The following FEZ1 variants were observed in gnomAD, a reference collection of about 807,000 sequenced individuals.
FEZ1 encodes the protein fasciculation and elongation protein zeta-1.
A neutral mutation model predicts 49.3 loss-of-function variants in FEZ1; 20 were observed. The observed-to-expected ratio is 0.41, with a 90% confidence interval of 0.29 to 0.59. The LOEUF (loss-of-function observed/expected upper bound fraction) is 0.59. Ranked by LOEUF, FEZ1 falls within the 20% of genes least tolerant of loss-of-function variation. The pLI, the probability that FEZ1 is intolerant of heterozygous loss-of-function variation, is 0.36. For missense variants in FEZ1, 413 were observed against 476.0 expected (o/e 0.87, Z 1.23); for synonymous variants, 170 against 180.9 (o/e 0.94, Z 0.48).
intron 3 of FEZ1, among the ~76,000 whole-genome samples, chr11:125,468,178 C>A (rs566643065): frequency 6.7e-6 from 1 of 149,974 alleles, no homozygotes; most frequent in African/African-American, 2.4e-5. Flanking sequence ...CACATAATAA[C>A]TTTTTTTTTT....
chr11:125,485,394 C>G (rs987255436), intron 2 of FEZ1, among the ~76,000 whole-genome samples: 1 of 152,084 alleles, frequency 6.6e-6, no homozygotes, highest in African/African-American at 2.4e-5. Context: ...CAAAGAACTC[C>G]AGGGCCTGGA....
Position 125,443,834 on chromosome 11 carries a change from C to G in FEZ1, c.*2261G>C, listed in dbSNP as rs1327761166. ...CTAGCCAGAGTGTATCCCCAACACT[C>G]GAGATTTATTTTTAACTCCCAGCAG... On this transcript the variant is annotated 3_prime_UTR_variant, in exon 10 of 10. Transcript: ENST00000278919. Among the ~76,000 whole-genome samples the G allele has an allele frequency of 6.6e-6, 1 of 152,158 alleles. No individual in the cohort carries two copies. The highest frequency in any genetic ancestry group is 2.1e-4 in the South Asian group (1 of 4,828).
At chr11:125,454,267 C>A in intron 6 of FEZ1, 57 bp from the exon 7 acceptor site, 1 of 1,356,630 alleles carries the variant, frequency 7.4e-7, no homozygotes, top group Non-Finnish European at 1.0e-6. Context: ...TGTCACCACA[C>A]CCAGGGACCT....
rs1957459797 is a variant in FEZ1, at chr11:125,495,780, A to G, written c.-46+341T>C. The G allele has an allele frequency of 2.8e-6, 1 of 351,640 alleles. No individual in the cohort carries two copies. Among genetic ancestry groups the G allele is most frequent in the Admixed American group, 3.9e-5 (1 of 25,760 alleles). The allele number at this position is 351,640 out of a possible 1,614,324, so 21.8% of individuals were successfully genotyped here. On this transcript the variant is annotated intron_variant, in intron 1 of 9. Coordinates refer to ENST00000278919, the MANE Select transcript of FEZ1 (RefSeq NM_005103.5). The surrounding 1 kb of genome is among the most constrained non-coding windows in gnomAD (Gnocchi z 4.2). ...GCCCTGCCTTCACACGCGCGCACAC[A>G]CGCGGGCACACACACGCGGACACAC...
chr11:125,473,056 A>G (rs549751417), intron 3 of FEZ1, among the ~76,000 whole-genome samples: 1 of 152,316 alleles, frequency 6.6e-6, no homozygotes, highest in South Asian at 2.1e-4. Flanking sequence ...TGGAAAGAAA[A>G]AAAAAGGACA....
chr11:125,466,213 G>A (rs1187651237), intron 3 of FEZ1, among the ~76,000 whole-genome samples: 2 of 152,130 alleles, frequency 1.3e-5, no homozygotes, highest in Admixed American at 6.6e-5. Flanking sequence ...AGATGTGGTG[G>A]CTTACACCTG....
At chr11:125,457,558 T>C (rs1295842385) in intron 5 of FEZ1, among the ~76,000 whole-genome samples, 2 of 108,004 alleles carry the variant, frequency 1.9e-5, no homozygotes, top group East Asian at 2.7e-4. Flanking sequence ...GAAACATCTT[T>C]TAAAATGTGT....
At chr11:125,486,431 T>A (rs973460925) in intron 2 of FEZ1, among the ~76,000 whole-genome samples, 2 of 152,140 alleles carry the variant, frequency 1.3e-5, no homozygotes, top group African/African-American at 2.4e-5. Flanking sequence ...ATTTCTTGAA[T>A]GCAAAACCAA....
Position 125,447,603 on chromosome 11 carries a change from C to A in FEZ1, c.1162+899G>T, listed in dbSNP as rs374875807. On this transcript the variant is annotated intron_variant, in intron 9 of 9. Transcript: ENST00000278919. ...TTGGGAGGCCAAGGCGAGTGGATCACCTGAAGTCAGGAGTTTGAGACCACC... is the reference window on the plus strand; with the variant it reads ...TTGGGAGGCCAAGGCGAGTGGATCAACTGAAGTCAGGAGTTTGAGACCACC... Among the ~76,000 whole-genome samples, 62 of 152,252 alleles carry A rather than the reference C, an allele frequency of 4.1e-4. No individual in the cohort carries two copies. In the South Asian group the frequency reaches 7.5e-3, roughly 18 times the overall value.
chr11:125,454,013 TA>T, intron 7 of FEZ1, 116 bp downstream of exon 7: 2 of 519,804 alleles, frequency 3.8e-6, no homozygotes, highest in Non-Finnish European at 6.8e-6. Flanking sequence ...TTAGGACCCC[TA>T]ACCCCCTAAA....
chr11:125,473,596 A>T (rs890475285), intron 3 of FEZ1, among the ~76,000 whole-genome samples: 1 of 152,186 alleles, frequency 6.6e-6, no homozygotes, highest in Admixed American at 6.5e-5. Context: ...AGACGGGTGG[A>T]TCACTTGAGG....
intron 1 of FEZ1, among the ~76,000 whole-genome samples, chr11:125,490,606 C>T (rs145241637): frequency 0.012 from 1,820 of 152,092 alleles, 33 homozygotes; most frequent in African/African-American, 0.032. Flanking sequence ...GCTTGTAATC[C>T]CAGCACTTTG....
chr11:125,482,693 G>A (rs577797933), intron 2 of FEZ1, among the ~76,000 whole-genome samples: 12 of 152,228 alleles, frequency 7.9e-5, no homozygotes, highest in Admixed American at 5.9e-4. Flanking sequence ...GGCCGGGCGC[G>A]ATGGCTCACG....
chr11:125,471,457 C>G (rs1177787433), intron 3 of FEZ1, among the ~76,000 whole-genome samples: 2 of 151,926 alleles, frequency 1.3e-5, no homozygotes, highest in African/African-American at 4.8e-5. Context: ...CACACACACA[C>G]ACACACTTTG....
intron 2 of FEZ1, among the ~76,000 whole-genome samples, chr11:125,484,911 G>A (rs1172923494): frequency 1.3e-5 from 2 of 152,084 alleles, no homozygotes; most frequent in African/African-American, 4.8e-5. Context: ...GCCAGGGCAG[G>A]GGGAAACAGC....
intron 2 of FEZ1, chr11:125,488,693 AC>A (rs1404360805): frequency 1.9e-4 from 183 of 982,074 alleles, no homozygotes; most frequent in Non-Finnish European, 2.0e-4. Context: ...AAAAAACAAA[AC>A]AAAACAAAAC....
In FEZ1 at chr11:125,479,277, T is replaced by C. The variant is rs1016068640; in HGVS notation, c.411+2257A>G. The stretch of plus-strand genomic sequence containing the variant: ...CTGCTGATCTCTTTGCTGTGCTATT[T>C]TGAGCAATAATCTACAAATATATTG... On this transcript the variant is annotated intron_variant, in intron 3 of 9. Coordinates refer to ENST00000278919, the MANE Select transcript of FEZ1 (RefSeq NM_005103.5). 7.5e-4 allele frequency among the ~76,000 whole-genome samples: 115 copies of C among 152,364 alleles called. 1 individual carries two copies. Among genetic ancestry groups the C allele is most frequent in the African/African-American group, 2.5e-3 (105 of 41,588 alleles).
At chr11:125,488,870 A>G in intron 2 of FEZ1, 1 of 985,366 alleles carries the variant, frequency 1.0e-6, no homozygotes, top group African/African-American at 1.7e-5. Context: ...AAGACCCTAG[A>G]AAGTAGCGAG....
At chr11:125,467,861 T>A (rs1383896604) in intron 3 of FEZ1, among the ~76,000 whole-genome samples, 1 of 152,098 alleles carries the variant, frequency 6.6e-6, no homozygotes, top group Non-Finnish European at 1.5e-5. Context: ...AAGACATAAT[T>A]CACTATCCTG....
Sources: allele counts gnomAD v4.1 joint callset (sites outside exome capture counted in the v4.1 genomes callset), GRCh38; gene constraint gnomAD v4.1.1; non-coding constraint Gnocchi (gnomAD v3.1); transcripts MANE v1.5; gene names NCBI Gene and HGNC (gene_info 2026-07-23, HGNC 2026-07-21).